Variants in CCDC85A observed in about 807,000 individuals in gnomAD.
CCDC85A encodes the protein coiled-coil domain containing 85A.
CCDC85A carries 38 observed loss-of-function variants against 50.2 expected under a neutral mutation model. That is an observed-to-expected ratio of 0.76 (90% CI 0.58 to 0.99). The LOEUF is 0.99. CCDC85A is among the 50% of genes least tolerant of loss of function. The pLI is 0.00. For missense variants in CCDC85A, 820 were observed against 742.0 expected, an observed-to-expected ratio of 1.11 and a Z score of -1.22; for synonymous variants, 366 against 301.4, an observed-to-expected ratio of 1.21 and a Z score of -2.22.
intron 3 of CCDC85A, among the ~76,000 whole-genome samples, chr2:56,343,687 T>A (rs776889068): frequency 2.0e-5 from 3 of 152,208 alleles, no homozygotes; most frequent in African/African-American, 7.2e-5. Flanking sequence ...TGGACAATAA[T>A]ATATTTTAAT....
chr2:56,352,393 T>A (rs994258715), intron 3 of CCDC85A, among the ~76,000 whole-genome samples: 1 of 152,190 alleles, frequency 6.6e-6, no homozygotes, highest in African/African-American at 2.4e-5. Context: ...CTCTACAGGC[T>A]GGAGTGTAGT....
intron 2 of CCDC85A, among the ~76,000 whole-genome samples, chr2:56,334,271 G>A (rs1198170621): frequency 2.6e-5 from 4 of 152,118 alleles, no homozygotes; most frequent in South Asian, 2.1e-4. Flanking sequence ...CTGTATCCCC[G>A]GGACCTAGAA....
At chr2:56,212,158 T>C (rs1355083122) in intron 2 of CCDC85A, among the ~76,000 whole-genome samples, 2 of 152,074 alleles carry the variant, frequency 1.3e-5, no homozygotes, top group Non-Finnish European at 2.9e-5. Context: ...AATTCTGCAC[T>C]GGAAGCCTCT....
intron 2 of CCDC85A, among the ~76,000 whole-genome samples, chr2:56,201,585 CATA>C (rs1676751128): frequency 6.6e-6 from 1 of 152,046 alleles, no homozygotes; most frequent in South Asian, 2.1e-4. Flanking sequence ...CCTAAGTGTC[CATA>C]ATTGCTAGTT....
chr2:56,262,408 T>C (rs1670257691), intron 2 of CCDC85A, among the ~76,000 whole-genome samples: 1 of 152,222 alleles, frequency 6.6e-6, no homozygotes. Flanking sequence ...TGTTTCTTTT[T>C]CTCGGTCTAA....
intron 2 of CCDC85A, among the ~76,000 whole-genome samples, chr2:56,229,491 A>C (rs554518615): frequency 6.6e-6 from 1 of 152,308 alleles, no homozygotes; most frequent in South Asian, 2.1e-4. Context: ...TAGTTCTTCA[A>C]GCTTTTCTAA....
rs148400931 is a variant in CCDC85A, at chr2:56,245,560, A to G, written c.1240+52120A>G. On this transcript the variant is annotated intron_variant, in intron 2 of 5. Coordinates refer to ENST00000407595, the MANE Select transcript of CCDC85A (RefSeq NM_001080433.2). ...GGTTCTTATGAAGTTGCTTTTTTGCATAGATAGTTGTCACATTTGGTGTTC... is the reference window on the plus strand; with the variant it reads ...GGTTCTTATGAAGTTGCTTTTTTGCGTAGATAGTTGTCACATTTGGTGTTC... Among the ~76,000 whole-genome samples, 78 of 152,290 alleles carry G rather than the reference A, an allele frequency of 5.1e-4. 1 individual carries two copies. The highest frequency in any genetic ancestry group is 9.7e-4 in the East Asian group (5 of 5,174).
intron 2 of CCDC85A, among the ~76,000 whole-genome samples, chr2:56,222,104 T>A (rs1668351830): frequency 6.6e-6 from 1 of 152,110 alleles, no homozygotes; most frequent in East Asian, 1.9e-4. Flanking sequence ...TTTACACTGT[T>A]GCTTCGGGGG....
intron 2 of CCDC85A, among the ~76,000 whole-genome samples, chr2:56,200,387 T>C (rs1246144925): frequency 6.6e-6 from 1 of 152,212 alleles, no homozygotes; most frequent in African/African-American, 2.4e-5. Context: ...TTCCATGTTC[T>C]GAAATGGGCT....
At chr2:56,320,260 C>T (rs1418219720) in intron 2 of CCDC85A, among the ~76,000 whole-genome samples, 1 of 152,000 alleles carries the variant, frequency 6.6e-6, no homozygotes. Context: ...CATTCAAAAG[C>T]TAGCAGAAGG....
intron 2 of CCDC85A, among the ~76,000 whole-genome samples, chr2:56,201,239 C>T (rs751815844): frequency 6.6e-5 from 10 of 151,850 alleles, no homozygotes; most frequent in Admixed American, 4.6e-4. Context: ...CATTTTCAGC[C>T]GTATGAAGGA....
intron 2 of CCDC85A, among the ~76,000 whole-genome samples, chr2:56,305,426 G>A (rs1033797942): frequency 6.6e-6 from 1 of 152,168 alleles, no homozygotes; most frequent in Non-Finnish European, 1.5e-5. Context: ...ACATAAAGTG[G>A]AGATTTGAAC....
intron 2 of CCDC85A, among the ~76,000 whole-genome samples, chr2:56,194,687 A>G (rs910305763): frequency 2.0e-5 from 3 of 152,242 alleles, no homozygotes; most frequent in Non-Finnish European, 4.4e-5. Context: ...ATGTTCTTTT[A>G]AGCACAAGTG....
intron 2 of CCDC85A, among the ~76,000 whole-genome samples, chr2:56,286,422 T>C (rs904021187): frequency 7.2e-5 from 11 of 152,154 alleles, no homozygotes; most frequent in Non-Finnish European, 1.3e-4. Flanking sequence ...TTAAAATGCT[T>C]TCATCTATGT....
chr2:56,340,625 C>G (rs1366041376), intron 2 of CCDC85A, among the ~76,000 whole-genome samples: 2 of 152,018 alleles, frequency 1.3e-5, no homozygotes, highest in African/African-American at 4.8e-5. Context: ...CCTGTAATCC[C>G]AGCACTTTGG....
intron 2 of CCDC85A, among the ~76,000 whole-genome samples, chr2:56,276,928 T>C (rs754449204): frequency 2.6e-5 from 4 of 152,122 alleles, no homozygotes; most frequent in Admixed American, 6.5e-5. Flanking sequence ...TTTCAGCATC[T>C]AGCCAGTGCT....
At chr2:56,324,165 C>A (rs1673354145) in intron 2 of CCDC85A, among the ~76,000 whole-genome samples, 1 of 152,068 alleles carries the variant, frequency 6.6e-6, no homozygotes, top group African/African-American at 2.4e-5. Context: ...AAGCCTTTCT[C>A]AGTAAATCTG....
In CCDC85A at chr2:56,384,517, C is replaced by G; in HGVS notation, c.*162C>G. On this transcript the variant is annotated 3_prime_UTR_variant, in exon 6 of 6. Coordinates refer to ENST00000407595, the MANE Select transcript of CCDC85A (RefSeq NM_001080433.2). ...CTCTAAAACCTGTAGTACAACTTCT[C>G]CCCTCAAGCTGATATTCTGTGTCTC... 3.4e-6 allele frequency: 2 copies of G among 582,602 alleles called. No individual in the cohort carries two copies. Among genetic ancestry groups the G allele is most frequent in the South Asian group, 2.2e-5 (1 of 45,044 alleles). 36.1% of individuals were successfully genotyped at this position (582,602 alleles called of 1,614,324 possible).
rs774131238 is a variant in CCDC85A, at chr2:56,193,162, G to A, written c.962G>A (p.Arg321Gln). 3.1e-6 allele frequency: 5 copies of A among 1,612,508 alleles called. No individual in the cohort carries two copies. Among genetic ancestry groups the A allele is most frequent in the Non-Finnish European group, 4.2e-6 (5 of 1,178,894 alleles). Reference sequence around the variant, plus strand: ...AGCCCGGAACACTTCCAGAAGCACCGGTCAGGGAGCAGCCCTGAACACGCC... The same window carrying A: ...AGCCCGGAACACTTCCAGAAGCACCAGTCAGGGAGCAGCCCTGAACACGCC... ...SGSPEHFQKH[R>Q]SGSSPEHARH... Residue 321 changes from arginine to glutamine, a missense_variant, in exon 2 of 6, where the codon CGG becomes CAG. Physicochemically the swap from Arg to Gln is conservative, Grantham distance 43 (BLOSUM62 1). Transcript: ENST00000407595.
Sources: allele counts gnomAD v4.1 joint callset (sites outside exome capture counted in the v4.1 genomes callset), GRCh38; gene constraint gnomAD v4.1.1; transcripts MANE v1.5; gene names NCBI Gene and HGNC (gene_info 2026-07-23, HGNC 2026-07-21).